RNF123: variants seen among roughly 807,000 people sequenced by gnomAD.
The protein encoded by RNF123 is ring finger protein 123.
RNF123 carries 86 observed loss-of-function variants against 168.5 expected under a neutral mutation model. The ratio of observed to expected loss-of-function variants is 0.51; its 90% CI spans 0.43 to 0.61. The LOEUF (loss-of-function observed/expected upper bound fraction) is 0.61, where lower values mean the gene tolerates loss of function less well. RNF123 is among the 20% of genes least tolerant of loss of function. RNF123 has a pLI of 0.00. For synonymous variants in RNF123, 666 were observed against 689.1 expected (o/e 0.97, Z 0.52); for missense variants, 1,419 against 1,729.7 (o/e 0.82, Z 3.19).
chr3:49,706,147 C>A, intron 25 of RNF123, 82 bp downstream of exon 25: 2 of 1,303,104 alleles, frequency 1.5e-6, no homozygotes, highest in Non-Finnish European at 2.2e-6. Flanking sequence ...CTGGGGGCTG[C>A]CCTGGCAGTT....
rs760188419 is a variant in RNF123, at chr3:49,691,208, T to C, written c.43T>C (p.Tyr15His). ...GAGMSFSRKS[Y>H]RLTSDAEKSR... is the part of the protein sequence containing the mutation. ...CGGCATGTCTTTCTCCCGCAAGAGC[T>C]ATAGGCTGACCTCAGATGCTGAGAA... Residue 15 changes from tyrosine (Y) to histidine (H), a missense_variant, in exon 2 of 39, where the codon TAT becomes CAT. Tyr to His is a moderately conservative substitution (Grantham distance 83). Coordinates refer to ENST00000327697, the MANE Select transcript of RNF123 (RefSeq NM_022064.5). 8 of 1,613,944 alleles carry C rather than the reference T, an allele frequency of 5.0e-6. No individual in the cohort carries two copies. Among genetic ancestry groups the C allele is most frequent in the Non-Finnish European group, 5.9e-6 (7 of 1,179,832 alleles).
In RNF123 at chr3:49,712,649, G is replaced by A. The variant is rs1472648802; in HGVS notation, c.2667G>A (p.Glu889=). 1 of 1,614,160 alleles carries A rather than the reference G, an allele frequency of 6.2e-7. No homozygotes were observed. Among genetic ancestry groups the A allele is most frequent in the Non-Finnish European group, 8.5e-7 (1 of 1,180,026 alleles). ...TTGGTCCCGTGCACAGCATGGAGGA[G>A]CTCCCAGGTGATGGAACCATTCAGG... The part of the protein sequence containing the change: ...NYFGPVHSME[E]LPGYEETLTR... Residue 889 remains glutamate, a synonymous_variant, in exon 27 of 39, where the codon GAG becomes GAA. Coordinates refer to ENST00000327697, the MANE Select transcript of RNF123 (RefSeq NM_022064.5).
intron 35 of RNF123, chr3:49,717,515 G>A (rs957604239): frequency 5.0e-6 from 1 of 198,792 alleles, no homozygotes; most frequent in Non-Finnish European, 1.0e-5. Context: ...GTCAGCTCTT[G>A]AGCACCACTC....
At position 49,691,150 on chromosome 3, in the gene RNF123, C is replaced by G; in HGVS notation, c.-16C>G. On this transcript the variant is annotated 5_prime_UTR_variant, in exon 2 of 39. Transcript: ENST00000327697. ...CTCAGCCCCCAGGACCACTGGCTGC[C>G]CATGAGAGATGAAGGATGGCATCCA... The G allele has an allele frequency of 6.2e-7, 1 of 1,612,962 alleles. No homozygotes were observed. Among genetic ancestry groups the G allele is most frequent in the East Asian group, 2.2e-5 (1 of 44,880 alleles).
chr3:49,713,708 C>A (rs1246631467), intron 28 of RNF123, 30 bp from the exon 29 acceptor site: 2 of 1,581,724 alleles, frequency 1.3e-6, no homozygotes, highest in Non-Finnish European at 1.7e-6. Context: ...TCATGCCAAG[C>A]CCCTGCTGAG....
chr3:49,689,803 T>C (rs1423147385), intron 1 of RNF123, 197 bp downstream of exon 1: 1 of 152,174 alleles, frequency 6.6e-6, no homozygotes, highest in Admixed American at 6.5e-5. Context: ...GCCCTCGCCG[T>C]CCTTGGGCTC....
chr3:49,716,229 T>C lies in RNF123; in HGVS notation c.3415+52T>C, dbSNP rs762987826. The C allele has an allele frequency of 3.8e-6, 6 of 1,591,468 alleles. No individual in the cohort carries two copies. The Admixed American group carries it at 5.0e-5, about 13-fold the overall frequency. ...AACACACTACAGGCCTCGGTTCCTC[T>C]GCTAGGAACAGTGAGGCCTGATTCC... is the stretch of plus-strand genomic sequence containing the variant. On this transcript the variant is annotated intron_variant, in intron 34 of 38. Transcript: ENST00000327697.
intron 3 of RNF123, among the ~76,000 whole-genome samples, chr3:49,692,870 A>G (rs977077839): frequency 3.9e-5 from 6 of 152,032 alleles, no homozygotes; most frequent in South Asian, 4.1e-4. Flanking sequence ...TTATTTATTC[A>G]TCTGTTGATG....
At chr3:49,703,637 C>T in intron 21 of RNF123, 109 bp downstream of exon 21, 1 of 784,940 alleles carries the variant, frequency 1.3e-6, no homozygotes, top group Non-Finnish European at 2.0e-6. Flanking sequence ...CAGAGGGTGC[C>T]CAAGTCTTTC....
At position 49,721,286 on chromosome 3, in the gene RNF123, C is replaced by T. The variant is rs1328581014; in HGVS notation, c.3926C>T (p.Thr1309Ile). Residue 1309 changes from threonine (T) to isoleucine (I), a missense_variant, in exon 39 of 39, where the codon ACT (threonine) becomes ATT (isoleucine). By Grantham distance (89) the Thr-to-Ile change is moderately conservative. Transcript: ENST00000327697. Reference protein sequence around the residue: ...EDWEKGANTSTTSSAA With the variant: ...EDWEKGANTSITSSAA Reference sequence around the variant, plus strand: ...TGGGAGAAGGGAGCCAATACGAGTACTACCTCCTCAGCTGCCTAGCCCTCA... The same window carrying T: ...TGGGAGAAGGGAGCCAATACGAGTATTACCTCCTCAGCTGCCTAGCCCTCA... The T allele has an allele frequency of 2.5e-6, 4 of 1,614,088 alleles. No individual in the cohort carries two copies. The highest frequency in any genetic ancestry group is 3.4e-6 in the Non-Finnish European group (4 of 1,180,038).
chr3:49,719,221 G>T, intron 35 of RNF123: 1 of 1,613,126 alleles, frequency 6.2e-7, no homozygotes, highest in Non-Finnish European at 8.5e-7. Context: ...GAAGAGGGGC[G>T]CCAACCAGCC....
Position 49,705,490 on chromosome 3 carries a change from C to G in RNF123, c.2159-44C>G, listed in dbSNP as rs371085589. On this transcript the variant is annotated intron_variant, in intron 23 of 38. Coordinates refer to ENST00000327697, the MANE Select transcript of RNF123 (RefSeq NM_022064.5). Reference sequence around the variant, plus strand: ...CTGCTGTGAGGCAGGCTCAGGAGAGCCGGGATGGCCCTACCCTTGACCCTT... The same window carrying G: ...CTGCTGTGAGGCAGGCTCAGGAGAGGCGGGATGGCCCTACCCTTGACCCTT... 2.6e-6 allele frequency: 4 copies of G among 1,537,708 alleles called. No homozygotes were observed. In the African/African-American group the frequency reaches 5.5e-5, roughly 21 times the overall value.
chr3:49,701,513 GTCT>G lies in RNF123; in HGVS notation c.1305_1307del (p.Phe436del), dbSNP rs769268909. 1.6e-5 allele frequency: 26 copies of G among 1,613,630 alleles called. No individual in the cohort carries two copies. Among genetic ancestry groups the G allele is most frequent in the South Asian group, 3.3e-5 (3 of 91,094 alleles). On this transcript the variant is annotated inframe_deletion, in exon 16 of 39. Transcript: ENST00000327697. ...CAGCTTCGACGTGCTCCGCTCCGTC[GTCT>G]TCTTTTACATCAAGAGCCCCCTGCG...
intron 27 of RNF123, 194 bp from the exon 28 acceptor site, chr3:49,713,319 A>G (rs1318760594): frequency 4.9e-6 from 3 of 611,532 alleles, no homozygotes; most frequent in Non-Finnish European, 8.7e-6. Flanking sequence ...ATCCCTTCAC[A>G]GTGAGCCTGT....
intron 35 of RNF123, chr3:49,719,884 G>C: frequency 5.1e-6 from 1 of 195,614 alleles, no homozygotes. Flanking sequence ...GTTTTTCCTC[G>C]GGGAGTAAAA....
chr3:49,700,736 C>A lies in RNF123; in HGVS notation c.1277+27C>A, dbSNP rs1277558709. 7 of 1,612,406 alleles carry A rather than the reference C, an allele frequency of 4.3e-6. No individual in the cohort carries two copies. In the Admixed American group the frequency reaches 1.2e-4, roughly 27 times the overall value. On this transcript the variant is annotated intron_variant, in intron 15 of 38. Coordinates refer to ENST00000327697, the MANE Select transcript of RNF123 (RefSeq NM_022064.5). The stretch of plus-strand genomic sequence containing the variant: ...TATCCTTTCCTTGCTGCCTGGCAGG[C>A]CAGACATGGGGTGCCCTCTGGACTC...
Position 49,699,191 on chromosome 3 carries a change from G to A in RNF123, c.764+86G>A, listed in dbSNP as rs1426366863. On this transcript the variant is annotated intron_variant, in intron 10 of 38. Coordinates refer to ENST00000327697, the MANE Select transcript of RNF123 (RefSeq NM_022064.5). This position sits in a 1 kb window ranked among gnomAD's most constrained non-coding sequence, Gnocchi z 4.8. ...GGGCTCCCTACCCCAGGGGTGCCAT[G>A]GGCTGGTGGCAGGCCCTGGCTGCTG... 1.3e-6 allele frequency: 2 copies of A among 1,523,506 alleles called. No individual in the cohort carries two copies. The highest frequency in any genetic ancestry group is 2.8e-5 in the African/African-American group (2 of 72,422). 94.4% of individuals were successfully genotyped at this position (1,523,506 alleles called of 1,614,324 possible).
Position 49,712,630 on chromosome 3 carries a change from C to T in RNF123, c.2648C>T (p.Pro883Leu), listed in dbSNP as rs571468391. The T allele has an allele frequency of 6.2e-7, 1 of 1,614,116 alleles. No homozygotes were observed. Among genetic ancestry groups the T allele is most frequent in the African/African-American group, 1.3e-5 (1 of 75,020 alleles). Residue 883 changes from proline to leucine, a missense_variant, in exon 27 of 39, where the codon CCC (proline) becomes CTC (leucine). Physicochemically the swap from Pro to Leu is moderately conservative, Grantham distance 98 (BLOSUM62 -3). Coordinates refer to ENST00000327697, the MANE Select transcript of RNF123 (RefSeq NM_022064.5). ...AGTGCTCTCAAGAATTACTTTGGTC[C>T]CGTGCACAGCATGGAGGAGCTCCCA... Reference protein sequence around the residue: ...SYSALKNYFGPVHSMEELPGY... With the variant: ...SYSALKNYFGLVHSMEELPGY...
chr3:49,703,144 G>T (rs908517640), intron 20 of RNF123, among the ~76,000 whole-genome samples: 2 of 152,202 alleles, frequency 1.3e-5, no homozygotes, highest in African/African-American at 4.8e-5. Flanking sequence ...CCACAGGACT[G>T]GGGCTGGGCC....
Sources: gnomAD v4.1 joint callset for allele counts (sites outside exome capture counted in the v4.1 genomes callset) on GRCh38, gnomAD v4.1.1 for gene constraint, Gnocchi (gnomAD v3.1) non-coding constraint, MANE v1.5 for transcripts, NCBI Gene and HGNC (gene_info 2026-07-23, HGNC 2026-07-21) for gene names.